Variants in ASIC2 observed in about 807,000 individuals in gnomAD.
ASIC2 encodes acid-sensing ion channel 2.
Under a neutral mutation model 57.3 loss-of-function variants are expected in ASIC2, and 25 were observed. The observed-to-expected ratio is 0.44, with a 90% CI of 0.32 to 0.61. The LOEUF (loss-of-function observed/expected upper bound fraction) is 0.61, where lower values mean the gene tolerates loss of function less well. Ranked by LOEUF, ASIC2 falls within the 20% of genes least tolerant of loss-of-function variation. ASIC2 has a pLI of 0.06. For missense variants in ASIC2, 641 were observed against 738.1 expected (o/e 0.87, Z 1.52); for synonymous variants, 319 against 307.5 (o/e 1.04, Z -0.39).
intron 1 of ASIC2, among the ~76,000 whole-genome samples, chr17:33,648,309 G>A (rs576391226): frequency 6.6e-6 from 1 of 152,304 alleles, no homozygotes; most frequent in East Asian, 1.9e-4. Context: ...CAAGCATTAC[G>A]ATGATATCTA....
At chr17:33,803,586 CT>C (rs961357779) in intron 1 of ASIC2, among the ~76,000 whole-genome samples, 3,338 of 96,898 alleles carry the variant, frequency 0.034, 86 homozygotes, top group African/African-American at 0.091. Context: ...TTTCCCTTTT[CT>C]TTTTTTTTTT....
chr17:33,540,953 C>A (rs994397330), intron 1 of ASIC2, among the ~76,000 whole-genome samples: 8 of 152,172 alleles, frequency 5.3e-5, no homozygotes, highest in African/African-American at 1.9e-4. Flanking sequence ...CTTGATTTCT[C>A]AGGTTGAAAT....
intron 3 of ASIC2, among the ~76,000 whole-genome samples, chr17:33,039,093 G>A (rs1050196297): frequency 6.6e-6 from 1 of 152,226 alleles, no homozygotes; most frequent in African/African-American, 2.4e-5. Context: ...AAGCATATAT[G>A]AGGAGAGAGG....
chr17:34,079,125 G>C (rs554587533), intron 1 of ASIC2: 1 of 152,294 alleles, frequency 6.6e-6, no homozygotes, highest in East Asian at 1.9e-4. Flanking sequence ...ATTTCCACCA[G>C]AGTGATACTT....
At chr17:33,345,718 G>A (rs1163797656) in intron 1 of ASIC2, among the ~76,000 whole-genome samples, 8 of 152,186 alleles carry the variant, frequency 5.3e-5, no homozygotes, top group Non-Finnish European at 1.2e-4. Flanking sequence ...TATCATTCCT[G>A]GGGAACAGAT....
intron 1 of ASIC2, among the ~76,000 whole-genome samples, chr17:34,099,255 A>C (rs1009429662): frequency 4.7e-5 from 7 of 148,880 alleles, no homozygotes; most frequent in African/African-American, 1.8e-4. Context: ...GGAAGGAAGG[A>C]GGGAAAAGAA....
intron 1 of ASIC2, among the ~76,000 whole-genome samples, chr17:33,115,359 AC>A (rs1277822486): frequency 6.6e-6 from 1 of 152,138 alleles, no homozygotes; most frequent in East Asian, 1.9e-4. Flanking sequence ...AGTCAAGACC[AC>A]CAGCAGAGGC....
chr17:34,132,344 A>G (rs1912003989), intron 1 of ASIC2, among the ~76,000 whole-genome samples: 1 of 152,166 alleles, frequency 6.6e-6, no homozygotes, highest in Non-Finnish European at 1.5e-5. Flanking sequence ...GAACAAAACA[A>G]CAAAGCTTCC....
At chr17:33,161,366 C>T (rs891524757) in intron 1 of ASIC2, among the ~76,000 whole-genome samples, 4 of 152,200 alleles carry the variant, frequency 2.6e-5, no homozygotes, top group African/African-American at 9.7e-5. Flanking sequence ...ACGTGCTGCT[C>T]TTCCTGCTTC....
At chr17:33,328,724 CA>C (rs1472585315) in intron 1 of ASIC2, among the ~76,000 whole-genome samples, 1 of 152,088 alleles carries the variant, frequency 6.6e-6, no homozygotes, top group Non-Finnish European at 1.5e-5. Context: ...AAAATCAGGC[CA>C]AAAAGCTAAA....
intron 1 of ASIC2, among the ~76,000 whole-genome samples, chr17:33,995,473 G>A (rs1338775186): frequency 6.6e-6 from 1 of 151,910 alleles, no homozygotes; most frequent in African/African-American, 2.4e-5. Flanking sequence ...TCTTTTCTCT[G>A]TGTATGTATG....
intron 1 of ASIC2, among the ~76,000 whole-genome samples, chr17:33,357,563 C>T (rs67145030): frequency 0.17 from 26,213 of 152,034 alleles, 2,931 homozygotes; most frequent in East Asian, 0.48. Flanking sequence ...TCTTTCTAGT[C>T]GGGTAAGGAC....
At chr17:34,101,027 T>C (rs895316844) in intron 1 of ASIC2, among the ~76,000 whole-genome samples, 2 of 152,208 alleles carry the variant, frequency 1.3e-5, no homozygotes, top group Non-Finnish European at 2.9e-5. Flanking sequence ...AGAGTTTCTG[T>C]TAGGATAAAA....
intron 1 of ASIC2, among the ~76,000 whole-genome samples, chr17:33,195,724 G>A (rs965782646): frequency 1.3e-5 from 2 of 152,136 alleles, no homozygotes; most frequent in African/African-American, 4.8e-5. Flanking sequence ...GGATCAGAAG[G>A]CCAAATGGCT....
intron 2 of ASIC2, among the ~76,000 whole-genome samples, chr17:33,111,688 C>T (rs2092258722): frequency 6.6e-6 from 1 of 152,144 alleles, no homozygotes; most frequent in Admixed American, 6.5e-5. Context: ...ACCTACCTTA[C>T]CTCTCCAGTA....
chr17:33,702,881 G>A, intron 1 of ASIC2, among the ~76,000 whole-genome samples: 1 of 152,148 alleles, frequency 6.6e-6, no homozygotes, highest in East Asian at 1.9e-4. Flanking sequence ...GATGTACCAG[G>A]AACTAGGGGC....
chr17:33,187,999 G>C (rs891870216), intron 1 of ASIC2, among the ~76,000 whole-genome samples: 1 of 150,794 alleles, frequency 6.6e-6, no homozygotes, highest in African/African-American at 2.4e-5. Flanking sequence ...CACAGAAATA[G>C]ACATCGAAAT....
intron 1 of ASIC2, among the ~76,000 whole-genome samples, chr17:33,926,681 A>G (rs941487025): frequency 2.0e-5 from 3 of 152,238 alleles, no homozygotes; most frequent in Admixed American, 6.5e-5. Context: ...ACTTAAGAGT[A>G]AAAAATAGGA....
intron 1 of ASIC2, chr17:34,003,960 CA>C (rs1371922991): frequency 1.3e-5 from 2 of 152,212 alleles, no homozygotes. Context: ...TTAAAACAGC[CA>C]GCATGCAATT....
Sources: gnomAD v4.1 joint callset for allele counts (sites outside exome capture counted in the v4.1 genomes callset) on GRCh38, gnomAD v4.1.1 for gene constraint, MANE v1.5 for transcripts, NCBI Gene and HGNC (gene_info 2026-07-23, HGNC 2026-07-21) for gene names.